PPARD: variants seen among roughly 807,000 people sequenced by gnomAD.
The protein encoded by PPARD is peroxisome proliferator-activated receptor delta.
PPARD carries 6 observed loss-of-function variants against 39.5 expected under a neutral mutation model. That is an observed-to-expected ratio of 0.15 (90% CI 0.08 to 0.30). The LOEUF is 0.30. Among genes scored for constraint, PPARD ranks in the 10% least tolerant of loss-of-function variants. The pLI is 1.00. For missense variants in PPARD, 397 were observed against 596.8 expected (o/e 0.67, Z 3.49); for synonymous variants, 210 against 231.3 (o/e 0.91, Z 0.83).
chr6:35,364,413 A>G (rs1027975336), intron 2 of PPARD, among the ~76,000 whole-genome samples: 1 of 149,634 alleles, frequency 6.7e-6, no homozygotes, highest in Non-Finnish European at 1.5e-5. Flanking sequence ...GCTGGGTCAT[A>G]TAGTATTCCA....
In PPARD at chr6:35,426,162, C is replaced by T; in HGVS notation, c.*83C>T. ...CCACATGACTTTTCCATTGACCAGC[C>T]CTTGAGCACCCGGCCTGGAGCAGCA... On this transcript the variant is annotated 3_prime_UTR_variant, in exon 8 of 8. Coordinates refer to ENST00000360694, the MANE Select transcript of PPARD (RefSeq NM_006238.5). The T allele has an allele frequency of 6.5e-7, 1 of 1,529,240 alleles. No homozygotes were observed. The highest frequency in any genetic ancestry group is 8.8e-7 in the Non-Finnish European group (1 of 1,140,244). The allele number at this position is 1,529,240 out of a possible 1,614,324, so 94.7% of individuals were successfully genotyped here.
At chr6:35,373,244 G>T (rs7750906) in intron 2 of PPARD, among the ~76,000 whole-genome samples, 7,250 of 152,162 alleles carry the variant, frequency 0.048, 396 homozygotes, top group African/African-American at 0.14. Context: ...AATTTTGGAG[G>T]GTTCACAACA....
At position 35,426,579 on chromosome 6, in the gene PPARD, G is replaced by A; in HGVS notation, c.*500G>A. On this transcript the variant is annotated 3_prime_UTR_variant, in exon 8 of 8. Coordinates refer to ENST00000360694, the MANE Select transcript of PPARD (RefSeq NM_006238.5). ...CTCACTTCTGTCTCCTGTCTTCAGA[G>A]CAAAAGACTTGAGCCATCCAAAGAA... 1 of 171,846 alleles carries A rather than the reference G, an allele frequency of 5.8e-6. No individual in the cohort carries two copies. Among genetic ancestry groups the A allele is most frequent in the Non-Finnish European group, 1.3e-5 (1 of 79,862 alleles). 10.6% of individuals were successfully genotyped at this position (171,846 alleles called of 1,614,324 possible). A position where few individuals can be genotyped will look rare whatever the true frequency, so the allele number is the denominator to read the frequency against.
At position 35,380,476 on chromosome 6, in the gene PPARD, GTTTTTTTTTTTT is replaced by G. The variant is rs71002557; in HGVS notation, c.-101-30492_-101-30481del. 1.4e-3 allele frequency among the ~76,000 whole-genome samples: 96 copies of G among 67,148 alleles called. 1 individual carries two copies. Among genetic ancestry groups the G allele is most frequent in the African/African-American group, 3.3e-3 (66 of 20,050 alleles). The allele number at this position is 67,148 out of a possible 152,430, so 44.1% of individuals were successfully genotyped here. A position where few individuals can be genotyped will look rare whatever the true frequency, so the allele number is the denominator to read the frequency against. ...AACCTCGTGTTTTTTTTTTTTGTTTGTTTTTTTTTTTTTTTTTTTTTTTTTTTTTTGAGACAA... is the reference window on the plus strand; with the variant it reads ...AACCTCGTGTTTTTTTTTTTTGTTTGTTTTTTTTTTTTTTTTTTGAGACAA... On this transcript the variant is annotated intron_variant, in intron 2 of 7. Coordinates refer to ENST00000360694, the MANE Select transcript of PPARD (RefSeq NM_006238.5).
At chr6:35,419,063 A>C (rs1259990241) in intron 3 of PPARD, among the ~76,000 whole-genome samples, 8 of 152,174 alleles carry the variant, frequency 5.3e-5, no homozygotes. Context: ...ACAGGCCTGG[A>C]AAACATTAGC....
chr6:35,370,969 C>T (rs1762452954), intron 2 of PPARD, among the ~76,000 whole-genome samples: 1 of 152,180 alleles, frequency 6.6e-6, no homozygotes, highest in Non-Finnish European at 1.5e-5. Context: ...TCACATTTCC[C>T]TTGGGGTTTC....
At chr6:35,418,501 G>A (rs1188999908) in intron 3 of PPARD, among the ~76,000 whole-genome samples, 1 of 152,226 alleles carries the variant, frequency 6.6e-6, no homozygotes, top group Non-Finnish European at 1.5e-5. Context: ...GACCACGCTG[G>A]TGCCCTGGTG....
chr6:35,342,593 G>C lies in PPARD; in HGVS notation c.-274G>C, dbSNP rs202245321. On this transcript the variant is annotated 5_prime_UTR_variant, in exon 1 of 8. Transcript: ENST00000360694. ...TGACGCTGCGGCCGCCGCGGACCTG[G>C]GGATTAATGGGAAAAGTTTTGGCAG... 1.3e-5 allele frequency: 2 copies of C among 152,542 alleles called. No individual in the cohort carries two copies. The highest frequency in any genetic ancestry group is 2.4e-5 in the African/African-American group (1 of 41,474). The allele number at this position is 152,542 out of a possible 1,614,324, so 9.4% of individuals were successfully genotyped here. A position where few individuals can be genotyped will look rare whatever the true frequency, so the allele number is the denominator to read the frequency against.
chr6:35,365,130 C>CTTTTTTTTTTTTTTT (rs551946022), intron 2 of PPARD, among the ~76,000 whole-genome samples: 48 of 121,062 alleles, frequency 4.0e-4, no homozygotes, highest in African/African-American at 9.3e-4. Context: ...CTTCCTTATT[C>CTTTTTTTTTTTTTTT]TTTTTTTTTT....
chr6:35,414,398 C>T (rs1223722774), intron 3 of PPARD, among the ~76,000 whole-genome samples: 1 of 152,118 alleles, frequency 6.6e-6, no homozygotes, highest in East Asian at 1.9e-4. Context: ...TGCACTACTT[C>T]CATAATTTGA....
At chr6:35,388,231 A>C (rs1035465118) in intron 2 of PPARD, among the ~76,000 whole-genome samples, 3 of 152,138 alleles carry the variant, frequency 2.0e-5, no homozygotes, top group African/African-American at 7.2e-5. Flanking sequence ...AATGCAGACT[A>C]AAACAGGATC....
At chr6:35,381,188 C>T (rs540308307) in intron 2 of PPARD, among the ~76,000 whole-genome samples, 1 of 152,256 alleles carries the variant, frequency 6.6e-6, no homozygotes, top group East Asian at 1.9e-4. Context: ...CTTGAACTAC[C>T]TCTTCCTTCT....
chr6:35,425,419 T>C lies in PPARD; in HGVS notation c.1079-413T>C, dbSNP rs1297120203. On this transcript the variant is annotated intron_variant, in intron 7 of 7. Coordinates refer to ENST00000360694, the MANE Select transcript of PPARD (RefSeq NM_006238.5). The surrounding 1 kb of genome is among the most constrained non-coding windows in gnomAD (Gnocchi z 4.5). ...TAACTAACAGTGGTCTAGAGCTTAC[T>C]TCATGCCAGGCACTGTTCTTTTCAT... The C allele has an allele frequency of 9.3e-7, 1 of 1,070,762 alleles. No individual in the cohort carries two copies. 66.3% of individuals were successfully genotyped at this position (1,070,762 alleles called of 1,614,324 possible).
intron 2 of PPARD, among the ~76,000 whole-genome samples, chr6:35,394,016 C>G (rs1764167117): frequency 6.6e-6 from 1 of 152,246 alleles, no homozygotes; most frequent in Middle Eastern, 3.2e-3. Context: ...CCTGACTCTT[C>G]TACTCCACTT....
intron 2 of PPARD, among the ~76,000 whole-genome samples, chr6:35,360,184 C>G (rs1761853622): frequency 6.6e-6 from 1 of 152,100 alleles, no homozygotes; most frequent in South Asian, 2.1e-4. Context: ...TGAGCAGCCC[C>G]TAGAACCACA....
At chr6:35,413,968 C>T (rs1403599613) in intron 3 of PPARD, among the ~76,000 whole-genome samples, 1 of 152,098 alleles carries the variant, frequency 6.6e-6, no homozygotes, top group Non-Finnish European at 1.5e-5. Flanking sequence ...TGTGAGCCAC[C>T]ACACCTGGCC....
intron 2 of PPARD, 105 bp downstream of exon 2, chr6:35,347,255 C>T (rs1792239786): frequency 7.4e-7 from 1 of 1,356,234 alleles, no homozygotes; most frequent in East Asian, 2.5e-5. Context: ...GGGCTTATTC[C>T]CAGATTCCAG....
At chr6:35,367,571 A>C (rs1429345018) in intron 2 of PPARD, among the ~76,000 whole-genome samples, 1 of 152,252 alleles carries the variant, frequency 6.6e-6, no homozygotes, top group African/African-American at 2.4e-5. Flanking sequence ...TGTGTAACAA[A>C]TCACCTGTGA....
chr6:35,397,577 T>C, intron 2 of PPARD: 2 of 978,938 alleles, frequency 2.0e-6, no homozygotes, highest in Non-Finnish European at 2.4e-6. Flanking sequence ...CAGTGATCTC[T>C]ACAGGACTGC....
Sources: gnomAD v4.1 joint callset for allele counts (sites outside exome capture counted in the v4.1 genomes callset) on GRCh38, gnomAD v4.1.1 for gene constraint, Gnocchi (gnomAD v3.1) non-coding constraint, MANE v1.5 for transcripts, NCBI Gene and HGNC (gene_info 2026-07-23, HGNC 2026-07-21) for gene names.